Variants in RNF10 observed in about 807,000 individuals in gnomAD.
RNF10 encodes E3 ubiquitin-protein ligase RNF10.
RNF10 carries 38 observed loss-of-function variants against 91.4 expected under a neutral mutation model. That is an observed-to-expected ratio of 0.42 (90% CI 0.32 to 0.54). The LOEUF (loss-of-function observed/expected upper bound fraction) is 0.54, where lower values mean the gene tolerates loss of function less well. RNF10 is among the 20% of genes least tolerant of loss of function. RNF10 has a pLI of 0.16. For synonymous variants in RNF10, 364 were observed against 366.3 expected (o/e 0.99, Z 0.07); for missense variants, 945 against 1,012.0 (o/e 0.93, Z 0.90).
intron 2 of RNF10, among the ~76,000 whole-genome samples, chr12:120,547,114 A>G (rs984693863): frequency 6.6e-6 from 1 of 152,190 alleles, no homozygotes; most frequent in Non-Finnish European, 1.5e-5. Context: ...TGATAGAGTA[A>G]ATTACGTTTC....
At position 120,576,848 on chromosome 12, in the gene RNF10, C is replaced by A; in HGVS notation, c.*182C>A. The A allele has an allele frequency of 2.8e-6, 2 of 705,116 alleles. No individual in the cohort carries two copies. The highest frequency in any genetic ancestry group is 4.5e-6 in the Non-Finnish European group (2 of 443,694). 43.7% of individuals were successfully genotyped at this position (705,116 alleles called of 1,614,324 possible). A position where few individuals can be genotyped will look rare whatever the true frequency, so the allele number is the denominator to read the frequency against. On this transcript the variant is annotated 3_prime_UTR_variant, in exon 17 of 17. Transcript: ENST00000325954. ...ATTTTAAATACAGTGTATTTTCCAG[C>A]TTCCTGTCTTTACACCAAAATAAAG...
At position 120,560,870 on chromosome 12, in the gene RNF10, C is replaced by G; in HGVS notation, c.1112C>G (p.Ala371Gly). 1 of 1,614,086 alleles carries G rather than the reference C, an allele frequency of 6.2e-7. No individual in the cohort carries two copies. The highest frequency in any genetic ancestry group is 8.5e-7 in the Non-Finnish European group (1 of 1,179,980). ...HTPESCFIEA[A>G]IQELKTREEA... ...CCCGAGTCCTGCTTTATTGAGGCAGCTATCCAGGAGCTCAAGGTGAGAGGA... is the reference window on the plus strand; with the variant it reads ...CCCGAGTCCTGCTTTATTGAGGCAGGTATCCAGGAGCTCAAGGTGAGAGGA... Residue 371 changes from alanine to glycine, a missense_variant, in exon 7 of 17, where the codon GCT (alanine) becomes GGT (glycine). Transcript: ENST00000325954.
chr12:120,550,091 G>A (rs1042448289), intron 2 of RNF10, among the ~76,000 whole-genome samples: 1 of 152,188 alleles, frequency 6.6e-6, no homozygotes, highest in Admixed American at 6.5e-5. Flanking sequence ...CGCTAGAGAA[G>A]TAAAAAGTCC....
Position 120,576,843 on chromosome 12 carries a change from T to C in RNF10, c.*177T>C, listed in dbSNP as rs2137282185. The C allele has an allele frequency of 1.4e-6, 1 of 739,438 alleles. No individual in the cohort carries two copies. Among genetic ancestry groups the C allele is most frequent in the South Asian group, 1.9e-5 (1 of 53,436 alleles). The allele number at this position is 739,438 out of a possible 1,614,324, so 45.8% of individuals were successfully genotyped here. On this transcript the variant is annotated 3_prime_UTR_variant, in exon 17 of 17. Transcript: ENST00000325954. ...AGAAAATTTTAAATACAGTGTATTT[T>C]CCAGCTTCCTGTCTTTACACCAAAA...
intron 1 of RNF10, chr12:120,539,352 TCTTC>T (rs1381756320): frequency 7.3e-6 from 9 of 1,232,756 alleles, no homozygotes; most frequent in Non-Finnish European, 9.6e-6. Context: ...ACCACCTCTC[TCTTC>T]CTTTCATTCA....
chr12:120,559,375 T>G (rs376611659), intron 6 of RNF10, among the ~76,000 whole-genome samples: 35 of 151,582 alleles, frequency 2.3e-4, no homozygotes, highest in South Asian at 1.9e-3. Context: ...GTGTGTGTGT[T>G]GTGCTTTTTT....
At chr12:120,545,482 G>T (rs181009144) in intron 1 of RNF10, among the ~76,000 whole-genome samples, 227 of 151,514 alleles carry the variant, frequency 1.5e-3, no homozygotes, top group Non-Finnish European at 4.0e-4. Flanking sequence ...ATGAGCCACC[G>T]CGCCTGGCCA....
intron 10 of RNF10, 104 bp from the exon 11 acceptor site, chr12:120,564,968 G>A (rs899538886): frequency 1.6e-5 from 12 of 748,686 alleles, no homozygotes; most frequent in Non-Finnish European, 2.9e-5. Flanking sequence ...TCCAGCCCCA[G>A]TGCTGGCTGT....
intron 14 of RNF10, chr12:120,574,727 A>T: frequency 3.1e-6 from 1 of 318,236 alleles, no homozygotes; most frequent in Non-Finnish European, 6.2e-6. Context: ...GGAGTTCGAG[A>T]CCAGCCTGAC....
At chr12:120,571,423 G>A in intron 14 of RNF10, 132 bp downstream of exon 14, 1 of 693,134 alleles carries the variant, frequency 1.4e-6, no homozygotes, top group Non-Finnish European at 2.5e-6. Context: ...CATCTGATGG[G>A]TAGGAGGGAA....
At chr12:120,564,990 A>G (rs1875466085) in intron 10 of RNF10, 82 bp from the exon 11 acceptor site, 5 of 846,344 alleles carry the variant, frequency 5.9e-6, no homozygotes, top group Non-Finnish European at 2.0e-6. Flanking sequence ...TTATGTATAT[A>G]TTGTTGGATA....
At position 120,535,728 on chromosome 12, in the gene RNF10, A is replaced by G. The variant is rs532493776; in HGVS notation, c.157+760A>G. Among the ~76,000 whole-genome samples, 6 of 152,288 alleles carry G rather than the reference A, an allele frequency of 3.9e-5. No homozygotes were observed. In the East Asian group the frequency reaches 1.2e-3, roughly 29 times the overall value. ...ACTATAGGATTGTCCTTTAACAGGG[A>G]AGGTTTTATTTCTGTAATCAAGTCT... is the stretch of plus-strand genomic sequence containing the variant. On this transcript the variant is annotated intron_variant, in intron 1 of 16. Transcript: ENST00000325954.
intron 7 of RNF10, among the ~76,000 whole-genome samples, chr12:120,562,271 C>CTTTTTT (rs71076634): frequency 1.3e-3 from 128 of 100,076 alleles, no homozygotes; most frequent in South Asian, 3.8e-3. Flanking sequence ...TTCTTTCTTT[C>CTTTTTT]TTTTTTTTTT....
At chr12:120,542,024 G>A (rs888694413) in intron 1 of RNF10, among the ~76,000 whole-genome samples, 23 of 151,234 alleles carry the variant, frequency 1.5e-4, no homozygotes, top group Non-Finnish European at 1.3e-4. Flanking sequence ...CCGCCACCAC[G>A]CCTGGTTAAT....
intron 2 of RNF10, among the ~76,000 whole-genome samples, chr12:120,552,014 T>TG (rs1160507258): frequency 1.5e-5 from 2 of 134,908 alleles, no homozygotes; most frequent in Non-Finnish European, 3.1e-5. Flanking sequence ...TGCTACATAC[T>TG]TTTTTTTTTT....
rs747471809 is a variant in RNF10 at position 120,534,842 on chromosome 12, A to G, written c.31A>G (p.Thr11Ala). 1.6e-5 allele frequency: 26 copies of G among 1,602,846 alleles called. No homozygotes were observed. In the Admixed American group the frequency reaches 4.4e-4, roughly 27 times the overall value. The change falls in exon 1 of 17, where the codon ACC (threonine) becomes GCC (alanine). Residue 11 changes from threonine (T) to alanine (A), a missense_variant. Coordinates refer to ENST00000325954, the MANE Select transcript of RNF10 (RefSeq NM_014868.5). ...GCTGAGCTCCCCCAACGCCGCCGCC[A>G]CCGCCTCCGACATGGACAAGAACAG... The part of the protein sequence containing the change: MPLSSPNAAA[T>A]ASDMDKNSGS...
chr12:120,536,599 A>G (rs1368615806), intron 1 of RNF10, among the ~76,000 whole-genome samples: 1 of 152,234 alleles, frequency 6.6e-6, no homozygotes, highest in Non-Finnish European at 1.5e-5. Flanking sequence ...ATGTATGCAG[A>G]CTGATTTTGC....
At chr12:120,536,008 C>T (rs979001193) in intron 1 of RNF10, among the ~76,000 whole-genome samples, 1 of 152,140 alleles carries the variant, frequency 6.6e-6, no homozygotes, top group African/African-American at 2.4e-5. Flanking sequence ...GTATTTCAGT[C>T]ACATTAGCAG....
Position 120,577,448 on chromosome 12 carries a change from TCTCC to T in RNF10, c.*786_*789del. On this transcript the variant is annotated 3_prime_UTR_variant, in exon 17 of 17. Coordinates refer to ENST00000325954, the MANE Select transcript of RNF10 (RefSeq NM_014868.5). Reference sequence around the variant, plus strand: ...ATCTGAAGCGGTAGCATTGCCACCATCTCCCTCTCATCTAGAGCAGTTTTCTTAT... The same window carrying T: ...ATCTGAAGCGGTAGCATTGCCACCATCTCTCATCTAGAGCAGTTTTCTTAT... 3.5e-6 allele frequency: 1 copy of T among 286,266 alleles called. No homozygotes were observed. The highest frequency in any genetic ancestry group is 6.8e-6 in the Non-Finnish European group (1 of 146,248). 17.7% of individuals were successfully genotyped at this position (286,266 alleles called of 1,614,324 possible).
Sources: allele counts gnomAD v4.1 joint callset (sites outside exome capture counted in the v4.1 genomes callset), GRCh38; gene constraint gnomAD v4.1.1; transcripts MANE v1.5; gene names NCBI Gene and HGNC (gene_info 2026-07-23, HGNC 2026-07-21).